Variants in SGTA observed in about 807,000 individuals in gnomAD.
SGTA encodes the protein small glutamine rich tetratricopeptide repeat co-chaperone alpha.
Under a neutral mutation model 44.3 loss-of-function variants are expected in SGTA, and 22 were observed. The ratio of observed to expected loss-of-function variants is 0.50; its 90% CI spans 0.36 to 0.71. The LOEUF (loss-of-function observed/expected upper bound fraction) is 0.71, where lower values mean the gene tolerates loss of function less well. Ranked by LOEUF, SGTA falls within the 30% of genes least tolerant of loss-of-function variation. The probability of loss-of-function intolerance (pLI) is 0.00; values close to 1 mark genes in which losing one functional copy is unlikely to be tolerated. For synonymous variants in SGTA, 174 were observed against 177.6 expected (o/e 0.98, Z 0.16); for missense variants, 341 against 435.9 (o/e 0.78, Z 1.94).
chr19:2,770,999 G>C (rs1304280801), intron 1 of SGTA, among the ~76,000 whole-genome samples: 1 of 152,260 alleles, frequency 6.6e-6, no homozygotes, highest in Non-Finnish European at 1.5e-5. Flanking sequence ...GCTCGGACGG[G>C]TTGTTCGGCC....
rs147426883 is a variant in SGTA, at chr19:2,772,237, C to T, written c.-23-3146G>A. 5.0e-3 allele frequency among the ~76,000 whole-genome samples: 756 copies of T among 152,316 alleles called. 5 individuals carry two copies. The highest frequency in any genetic ancestry group is 0.02 in the Middle Eastern group (6 of 294). On this transcript the variant is annotated intron_variant, in intron 1 of 11. Transcript: ENST00000221566. ...GTCAGACAGGGCCTGGCCAAGAGGC[C>T]GCCAGCCTCGGGATGGACGAGGAAG...
chr19:2,758,584 C>T (rs956554747), intron 9 of SGTA, among the ~76,000 whole-genome samples: 4 of 152,058 alleles, frequency 2.6e-5, no homozygotes, highest in African/African-American at 9.7e-5. Context: ...CCCCAGTGCG[C>T]ACAGCGCTTA....
chr19:2,775,830 C>T lies in SGTA; in HGVS notation c.-23-6739G>A, dbSNP rs547003391. Among the ~76,000 whole-genome samples, 85 of 152,252 alleles carry T rather than the reference C, an allele frequency of 5.6e-4. 1 individual carries two copies. Among genetic ancestry groups the T allele is most frequent in the African/African-American group, 1.9e-3 (77 of 41,524 alleles). ...GAATTTCACGGTGTGGGGATCACAG[C>T]GGTGTGGGAATCACAGCTCAATGTT... On this transcript the variant is annotated intron_variant, in intron 1 of 11. Coordinates refer to ENST00000221566, the MANE Select transcript of SGTA (RefSeq NM_003021.4).
At chr19:2,762,088 A>G (rs2144723462) in intron 7 of SGTA, among the ~76,000 whole-genome samples, 1 of 152,176 alleles carries the variant, frequency 6.6e-6, no homozygotes, top group East Asian at 1.9e-4. Context: ...CCACACCCTC[A>G]GCACCTCCCC....
At chr19:2,780,136 C>T (rs1424310626) in intron 1 of SGTA, among the ~76,000 whole-genome samples, 5 of 152,118 alleles carry the variant, frequency 3.3e-5, no homozygotes, top group African/African-American at 1.2e-4. Context: ...TATTTCCCTG[C>T]CCAGAAGGGA....
intron 2 of SGTA, among the ~76,000 whole-genome samples, chr19:2,768,018 G>C (rs1182255971): frequency 2.0e-5 from 3 of 152,172 alleles, no homozygotes; most frequent in Non-Finnish European, 4.4e-5. Context: ...CACCTGGAGG[G>C]CCACGTCAGG....
intron 1 of SGTA, among the ~76,000 whole-genome samples, chr19:2,772,724 C>T (rs1205059220): frequency 5.3e-5 from 8 of 152,160 alleles, no homozygotes; most frequent in African/African-American, 1.2e-4. Flanking sequence ...TGGATGCAGA[C>T]GCATGCACAG....
chr19:2,764,581 C>A (rs954407842), intron 5 of SGTA, among the ~76,000 whole-genome samples: 1 of 151,470 alleles, frequency 6.6e-6, no homozygotes, highest in Admixed American at 6.6e-5. Context: ...TGGTTTTTTT[C>A]GGGGTTTTTT....
rs1164729395 is a variant in SGTA at position 2,757,725 on chromosome 19, G to A, written c.795C>T (p.Pro265=). 1 of 1,602,656 alleles carries A rather than the reference G, an allele frequency of 6.2e-7. No individual in the cohort carries two copies. Among genetic ancestry groups the A allele is most frequent in the Non-Finnish European group, 8.5e-7 (1 of 1,175,160 alleles). ...TGAGGCTGGCCAGGTCGTTCTGCGAGGGGCTGGTGCCGGGAGTTCCCAAGG... is the reference window on the plus strand; with the variant it reads ...TGAGGCTGGCCAGGTCGTTCTGCGAAGGGCTGGTGCCGGGAGTTCCCAAGG... ...NNPLGTPGTS[P]SQNDLASLIQ... is the part of the protein sequence containing the mutation. Residue 265 remains proline (P), a synonymous_variant, in exon 10 of 12, where the codon CCC becomes CCT. Transcript: ENST00000221566.
chr19:2,755,741 G>A lies in SGTA; in HGVS notation c.*199C>T. 8 of 985,520 alleles carry A rather than the reference G, an allele frequency of 8.1e-6. No homozygotes were observed. The highest frequency in any genetic ancestry group is 9.6e-6 in the Non-Finnish European group (8 of 830,024). The allele number at this position is 985,520 out of a possible 1,614,324, so 61.0% of individuals were successfully genotyped here. On this transcript the variant is annotated 3_prime_UTR_variant, in exon 12 of 12. Coordinates refer to ENST00000221566, the MANE Select transcript of SGTA (RefSeq NM_003021.4). This position sits in a 1 kb window ranked among gnomAD's most constrained non-coding sequence, Gnocchi z 5.2. ...CTTGCTGGCTCTCGTTTCAAGAAGG[G>A]TCTGGGGGCTGTAAGGGAGTTACAA... is the stretch of plus-strand genomic sequence containing the variant.
rs1914805249 is a variant in SGTA, at chr19:2,755,784, G to T, written c.*156C>A. On this transcript the variant is annotated 3_prime_UTR_variant, in exon 12 of 12. Coordinates refer to ENST00000221566, the MANE Select transcript of SGTA (RefSeq NM_003021.4). The surrounding 1 kb of genome is among the most constrained non-coding windows in gnomAD (Gnocchi z 5.2). ...AGTTACAAAAAGGGAGTGGAGGAGG[G>T]CAGAGATAAAAGGGGAAAATCCATC... is the stretch of plus-strand genomic sequence containing the variant. The T allele has an allele frequency of 2.0e-6, 2 of 985,464 alleles. No homozygotes were observed. The highest frequency in any genetic ancestry group is 1.7e-5 in the African/African-American group (1 of 57,240). 61.0% of individuals were successfully genotyped at this position (985,464 alleles called of 1,614,324 possible).
intron 6 of SGTA, 116 bp from the exon 7 acceptor site, chr19:2,762,760 C>G: frequency 3.3e-6 from 4 of 1,216,188 alleles, no homozygotes; most frequent in Non-Finnish European, 4.7e-6. Flanking sequence ...ATGGTGCCAC[C>G]CCCTGCCCGC....
rs778988496 is a variant in SGTA at position 2,762,461 on chromosome 19, C to T, written c.636+45G>A. The T allele has an allele frequency of 3.1e-6, 5 of 1,603,572 alleles. No individual in the cohort carries two copies. In the African/African-American group the frequency reaches 4.0e-5, roughly 13 times the overall value. ...CCCGAGGACCTGTCCCCCACCCACA[C>T]AGTCAGCTCGGCGTTCTGGAGCCAC... On this transcript the variant is annotated intron_variant, in intron 7 of 11. Coordinates refer to ENST00000221566, the MANE Select transcript of SGTA (RefSeq NM_003021.4).
Position 2,765,746 on chromosome 19 carries a change from A to C in SGTA, c.293-461T>G, listed in dbSNP as rs1420121610. Among the ~76,000 whole-genome samples the C allele has an allele frequency of 6.6e-6, 1 of 152,184 alleles. No homozygotes were observed. The highest frequency in any genetic ancestry group is 2.1e-4 in the South Asian group (1 of 4,824). On this transcript the variant is annotated intron_variant, in intron 4 of 11. Coordinates refer to ENST00000221566, the MANE Select transcript of SGTA (RefSeq NM_003021.4). The surrounding 1 kb of genome is among the most constrained non-coding windows in gnomAD (Gnocchi z 5.5). ...GGCTTCTATCTGAGGCATGGGTCCC[A>C]GCTGGTAGGACGGTAAAAACCCCAG... is the stretch of plus-strand genomic sequence containing the variant.
rs369878234 is a variant in SGTA, at chr19:2,772,054, C to T, written c.-23-2963G>A. 3.9e-5 allele frequency among the ~76,000 whole-genome samples: 6 copies of T among 152,372 alleles called. No homozygotes were observed. The South Asian group carries it at 1.0e-3, about 26-fold the overall frequency. On this transcript the variant is annotated intron_variant, in intron 1 of 11. Transcript: ENST00000221566. Reference sequence around the variant, plus strand: ...GGGCTGTGTGTCACCGGCCTTCCTCCGGGGCCGGGCCCAGCCCGTGCATAG... The same window carrying T: ...GGGCTGTGTGTCACCGGCCTTCCTCTGGGGCCGGGCCCAGCCCGTGCATAG...
At chr19:2,771,106 T>C (rs1398748388) in intron 1 of SGTA, among the ~76,000 whole-genome samples, 1 of 152,252 alleles carries the variant, frequency 6.6e-6, no homozygotes. Flanking sequence ...AGCCCAGCGC[T>C]TGGCGCCCTG....
Position 2,767,298 on chromosome 19 carries a change from G to T in SGTA, c.208-78C>A. ...CTCCGGCCTTAGCTTCCCTCGGGAC[G>T]CCAGAGAGGGCCACCAAGTTCCGAA... is the stretch of plus-strand genomic sequence containing the variant. On this transcript the variant is annotated intron_variant, in intron 3 of 11. Transcript: ENST00000221566. The surrounding 1 kb of genome is among the most constrained non-coding windows in gnomAD (Gnocchi z 7.3). The T allele has an allele frequency of 2.7e-6, 3 of 1,119,346 alleles. No individual in the cohort carries two copies. Among genetic ancestry groups the T allele is most frequent in the South Asian group, 2.8e-5 (2 of 72,218 alleles). 69.3% of individuals were successfully genotyped at this position (1,119,346 alleles called of 1,614,324 possible).
At chr19:2,772,075 C>T (rs1164923714) in intron 1 of SGTA, among the ~76,000 whole-genome samples, 1 of 152,260 alleles carries the variant, frequency 6.6e-6, no homozygotes. Context: ...CCAGCCCGTG[C>T]ATAGTGGACC....
At chr19:2,768,723 C>A (rs1481120466) in intron 2 of SGTA, among the ~76,000 whole-genome samples, 1 of 152,248 alleles carries the variant, frequency 6.6e-6, no homozygotes, top group Non-Finnish European at 1.5e-5. Flanking sequence ...CACTGGAAGG[C>A]AGCTCAGCCT....
Sources: gnomAD v4.1 joint callset for allele counts (sites outside exome capture counted in the v4.1 genomes callset) on GRCh38, gnomAD v4.1.1 for gene constraint, Gnocchi (gnomAD v3.1) non-coding constraint, MANE v1.5 for transcripts, NCBI Gene and HGNC (gene_info 2026-07-23, HGNC 2026-07-21) for gene names.